The following OR6N1 variants were observed in gnomAD, a reference collection of about 807,000 sequenced individuals.
OR6N1 encodes olfactory receptor 6N1.
For missense variants in OR6N1, 394 were observed against 371.7 expected, an observed-to-expected ratio of 1.06 and a Z score of -0.49; for synonymous variants, 170 against 150.7, an observed-to-expected ratio of 1.13 and a Z score of -0.94.
the OR6N1 span, among the ~76,000 whole-genome samples, chr1:158,833,991 T>C: frequency 6.6e-6 from 1 of 152,198 alleles, no homozygotes; most frequent in East Asian, 1.9e-4. Context: ...TTCCCTTTTT[T>C]ACTCATCCTC....
chr1:158,782,428 G>C, the OR6N1 span, among the ~76,000 whole-genome samples: 1 of 152,106 alleles, frequency 6.6e-6, no homozygotes, highest in African/African-American at 2.4e-5. Flanking sequence ...ACAGGACAAG[G>C]CCTTCCAGCA....
At chr1:158,818,449 A>T in the OR6N1 span, among the ~76,000 whole-genome samples, 1 of 152,332 alleles carries the variant, frequency 6.6e-6, no homozygotes, top group Non-Finnish European at 1.5e-5. Flanking sequence ...AAATCCCCCT[A>T]TTGATGTAGT....
chr1:158,783,276 G>A, the OR6N1 span, among the ~76,000 whole-genome samples: 2 of 152,038 alleles, frequency 1.3e-5, no homozygotes, highest in African/African-American at 2.4e-5. Flanking sequence ...CCAGCTAAAT[G>A]GCCTCCAACT....
chr1:158,811,153 T>C, the OR6N1 span, among the ~76,000 whole-genome samples: 3 of 152,270 alleles, frequency 2.0e-5, no homozygotes, highest in African/African-American at 7.2e-5. Context: ...TCTTTTCCTG[T>C]ATTAATTTGC....
At chr1:158,768,374 C>T (rs1657330482) in intron 1 of OR6N1, among the ~76,000 whole-genome samples, 1 of 152,196 alleles carries the variant, frequency 6.6e-6, no homozygotes, top group Non-Finnish European at 1.5e-5. Flanking sequence ...CCCTAGTCTT[C>T]CCCATCACAA....
At chr1:158,791,469 A>ATTTTTTTTTTTTTTTTTTTTTTTTTTG in the OR6N1 span, among the ~76,000 whole-genome samples, 1 of 127,374 alleles carries the variant, frequency 7.9e-6, no homozygotes, top group African/African-American at 3.0e-5. Context: ...TATGATTTTG[A>ATTTTTTTTTTTTTTTTTTTTTTTTTTG]TTTTTTTTTT....
the OR6N1 span, chr1:158,777,244 T>C: frequency 6.2e-7 from 1 of 1,613,958 alleles, no homozygotes. Flanking sequence ...TATAGGGTAG[T>C]GGAGGGGCCG....
the OR6N1 span, among the ~76,000 whole-genome samples, chr1:158,794,809 A>T: frequency 6.6e-6 from 1 of 152,284 alleles, no homozygotes; most frequent in Admixed American, 6.5e-5. Context: ...CAGATGTTGT[A>T]AAAGGCTGTC....
chr1:158,790,978 T>G, the OR6N1 span, among the ~76,000 whole-genome samples: 1 of 152,220 alleles, frequency 6.6e-6, no homozygotes, highest in Non-Finnish European at 1.5e-5. Context: ...TATCGTAAAG[T>G]GATGCTGGAT....
chr1:158,787,265 C>G, the OR6N1 span, among the ~76,000 whole-genome samples: 1 of 152,104 alleles, frequency 6.6e-6, no homozygotes, highest in African/African-American at 2.4e-5. Flanking sequence ...TGAAGGCTCA[C>G]CAGAAGCTGA....
the OR6N1 span, among the ~76,000 whole-genome samples, chr1:158,787,808 C>T: frequency 1.8e-4 from 27 of 152,076 alleles, no homozygotes; most frequent in African/African-American, 6.3e-4. Context: ...TGAAAACATC[C>T]CCAGTGCATT....
the OR6N1 span, among the ~76,000 whole-genome samples, chr1:158,840,025 C>T: frequency 1.3e-5 from 2 of 152,146 alleles, no homozygotes; most frequent in South Asian, 4.1e-4. Flanking sequence ...TCACCTGAAA[C>T]CCCTGGGACA....
At chr1:158,829,799 C>G in the OR6N1 span, among the ~76,000 whole-genome samples, 1 of 152,162 alleles carries the variant, frequency 6.6e-6, no homozygotes, top group Admixed American at 6.5e-5. Context: ...AAGAAAGAAT[C>G]TTATTGGACT....
At chr1:158,777,144 G>A (rs1657620515), upstream of OR6N1, 2 of 1,613,990 alleles carry the variant, frequency 1.2e-6, no homozygotes, top group South Asian at 1.1e-5. Flanking sequence ...ATGGGAGCTG[G>A]GAGGCAAGGA....
chr1:158,777,425 A>G, the OR6N1 span: 2 of 1,614,102 alleles, frequency 1.2e-6, no homozygotes, highest in East Asian at 2.2e-5. Flanking sequence ...GTATACCACA[A>G]CTCCAAGAAG....
At chr1:158,769,283 C>T (rs1657353143) in intron 1 of OR6N1, among the ~76,000 whole-genome samples, 1 of 152,080 alleles carries the variant, frequency 6.6e-6, no homozygotes, top group African/African-American at 2.4e-5. Flanking sequence ...CCCACCTCCA[C>T]CCCACAAGTA....
chr1:158,828,013 C>T, the OR6N1 span, among the ~76,000 whole-genome samples: 8 of 152,088 alleles, frequency 5.3e-5, no homozygotes, highest in South Asian at 2.1e-4. Context: ...TTTTAAAAAC[C>T]GTCAGATCTT....
the OR6N1 span, among the ~76,000 whole-genome samples, chr1:158,828,452 G>A: frequency 6.6e-6 from 1 of 152,222 alleles, no homozygotes; most frequent in South Asian, 2.1e-4. Context: ...CCAAAATCCA[G>A]TGGGGCAGTC....
At chr1:158,779,247 G>A in the OR6N1 span, among the ~76,000 whole-genome samples, 48 of 152,152 alleles carry the variant, frequency 3.2e-4, no homozygotes, top group South Asian at 6.4e-3. Context: ...AACTTTAAAT[G>A]CATAAAATGG....
Sources: gnomAD v4.1 joint callset for allele counts (sites outside exome capture counted in the v4.1 genomes callset) on GRCh38, gnomAD v4.1.1 for gene constraint, MANE v1.5 for transcripts, NCBI Gene and HGNC (gene_info 2026-07-23, HGNC 2026-07-21) for gene names.